The following SASH1 variants were observed in gnomAD, a reference collection of about 807,000 sequenced individuals.
The protein encoded by SASH1 is SAM and SH3 domain containing 1.
SASH1 carries 44 observed loss-of-function variants against 125.2 expected under a neutral mutation model. That is an observed-to-expected ratio of 0.35 (90% confidence interval 0.28 to 0.45). The LOEUF is 0.45. SASH1 is among the 20% of genes least tolerant of loss of function. The pLI, the probability that SASH1 is intolerant of heterozygous loss-of-function variation, is 1.00. For synonymous variants in SASH1, 639 were observed against 649.1 expected, an observed-to-expected ratio of 0.98 and a Z score of 0.24; for missense variants, 1,426 against 1,614.5, an observed-to-expected ratio of 0.88 and a Z score of 2.00.
Position 148,544,134 on chromosome 6 carries a change from C to A in SASH1, c.2664C>A (p.Val888=), listed in dbSNP as rs763114501. The A allele has an allele frequency of 6.2e-7, 1 of 1,614,040 alleles. No homozygotes were observed. ...KAQPLEQDSA[V]DNALLLTQSK... The stretch of plus-strand genomic sequence containing the variant: ...AGCCCCTGGAGCAAGACTCTGCTGT[C>A]GACAATGCATTGCTACTGACCCAAA... The change falls in exon 18 of 20, where the codon GTC becomes GTA. Residue 888 remains valine, a synonymous_variant. Transcript: ENST00000367467. This position sits in a 1 kb window ranked among gnomAD's most constrained non-coding sequence, Gnocchi z 6.4.
intron 1 of SASH1, among the ~76,000 whole-genome samples, chr6:148,281,106 CTTTTTTTTTTTTTT>C (rs34144143): frequency 1.4e-5 from 1 of 69,240 alleles, no homozygotes; most frequent in Non-Finnish European, 2.6e-5. Context: ...CCATGCCTAG[CTTTTTTTTTTTTTT>C]TTTTTTTTTG....
intron 8 of SASH1, among the ~76,000 whole-genome samples, chr6:148,507,669 T>G (rs962109038): frequency 6.6e-6 from 1 of 152,186 alleles, no homozygotes; most frequent in East Asian, 1.9e-4. Context: ...GTTTTTAGTT[T>G]AGGTAACCTC....
At chr6:148,311,608 A>G (rs6570840) in intron 1 of SASH1, among the ~76,000 whole-genome samples, 40,936 of 151,708 alleles carry the variant, frequency 0.27, 5,670 homozygotes, top group South Asian at 0.35. Flanking sequence ...GTTTGAGACC[A>G]GCCTGGTCAA....
In SASH1 at chr6:148,464,269, G is replaced by A. The variant is rs774607397; in HGVS notation, c.387-4276G>A. Among the ~76,000 whole-genome samples the A allele has an allele frequency of 5.4e-4, 82 of 152,258 alleles. 1 individual carries two copies. Among genetic ancestry groups the A allele is most frequent in the South Asian group, 4.1e-4 (2 of 4,828 alleles). On this transcript the variant is annotated intron_variant, in intron 4 of 19. Coordinates refer to ENST00000367467, the MANE Select transcript of SASH1 (RefSeq NM_015278.5). ...GGTCTTAATAGTAGGAGTTATTGAT[G>A]AACAAATATTTGCTAAGGTTCAGTT...
intron 2 of SASH1, among the ~76,000 whole-genome samples, chr6:148,410,472 A>G (rs984229264): frequency 6.6e-6 from 1 of 152,144 alleles, no homozygotes; most frequent in Non-Finnish European, 1.5e-5. Flanking sequence ...GGAAGGCAGT[A>G]CTTCACAGTG....
chr6:148,233,742 CAAAA>C, the SASH1 span, among the ~76,000 whole-genome samples: 123 of 60,530 alleles, frequency 2.0e-3, 6 homozygotes, highest in South Asian at 0.024. Context: ...TTCCTCTCTA[CAAAA>C]AAAAAAAAAA....
At chr6:148,218,581 T>G in the SASH1 span, among the ~76,000 whole-genome samples, 47 of 152,290 alleles carry the variant, frequency 3.1e-4, no homozygotes, top group East Asian at 8.1e-3. Flanking sequence ...GTCCCTGGCC[T>G]TTGTCCTCAC....
At chr6:148,327,287 CT>C (rs757257278) in intron 1 of SASH1, among the ~76,000 whole-genome samples, 352 of 140,824 alleles carry the variant, frequency 2.5e-3, no homozygotes, top group Middle Eastern at 3.8e-3. Flanking sequence ...ATATAAATTT[CT>C]TTTTTTTTTT....
intron 8 of SASH1, among the ~76,000 whole-genome samples, chr6:148,496,295 G>A (rs1454188650): frequency 2.0e-5 from 3 of 152,074 alleles, no homozygotes; most frequent in African/African-American, 7.2e-5. Context: ...ATTTAAAAGG[G>A]TTCTAATTGG....
intron 1 of SASH1, among the ~76,000 whole-genome samples, chr6:148,307,025 TTTC>T (rs1239125328): frequency 1.2e-3 from 13 of 11,078 alleles, no homozygotes; most frequent in African/African-American, 6.6e-3. Context: ...TTCTCTTTCT[TTTC>T]TTTCTTTCTT....
chr6:148,339,026 AG>A (rs1304593977), upstream of SASH1, among the ~76,000 whole-genome samples: 47 of 137,826 alleles, frequency 3.4e-4, 1 homozygote, highest in African/African-American at 1.2e-3. Flanking sequence ...AAAAAAAAAG[AG>A]AGAGAGAGAT....
chr6:148,452,182 T>G (rs9399648), intron 4 of SASH1, among the ~76,000 whole-genome samples: 49,817 of 152,092 alleles, frequency 0.33, 8,579 homozygotes, highest in East Asian at 0.52. Context: ...GCAAACTTAA[T>G]TTTCAGAAAA....
chr6:148,390,057 C>A lies in SASH1; in HGVS notation c.157-77C>A, dbSNP rs139722980. The A allele has an allele frequency of 1.5e-4, 228 of 1,531,590 alleles. 1 individual carries two copies. In the African/African-American group the frequency reaches 2.9e-3, roughly 19 times the overall value. 94.9% of individuals were successfully genotyped at this position (1,531,590 alleles called of 1,614,324 possible). ...CCAACCTTTATTACTATTAACTCTGCGTAGAGGGAGGTCCGATGGCTGTGG... is the reference window on the plus strand; with the variant it reads ...CCAACCTTTATTACTATTAACTCTGAGTAGAGGGAGGTCCGATGGCTGTGG... On this transcript the variant is annotated intron_variant, in intron 1 of 19. Transcript: ENST00000367467.
At chr6:148,459,649 T>G (rs1265374959) in intron 4 of SASH1, among the ~76,000 whole-genome samples, 2 of 152,136 alleles carry the variant, frequency 1.3e-5, no homozygotes, top group Non-Finnish European at 2.9e-5. Context: ...AATGGAAGTA[T>G]ATTTGAAGAA....
At chr6:148,413,970 A>G (rs1784727356) in intron 2 of SASH1, among the ~76,000 whole-genome samples, 1 of 152,124 alleles carries the variant, frequency 6.6e-6, no homozygotes, top group Non-Finnish European at 1.5e-5. Flanking sequence ...CCATTGAAGA[A>G]TGGTAACCGT....
At chr6:148,434,030 T>C (rs1583152769) in intron 2 of SASH1, among the ~76,000 whole-genome samples, 2 of 150,890 alleles carry the variant, frequency 1.3e-5, no homozygotes, top group African/African-American at 4.9e-5. Flanking sequence ...GACATACATA[T>C]GTAGATAATT....
At chr6:148,292,528 C>T (rs1338788205) in intron 1 of SASH1, among the ~76,000 whole-genome samples, 1 of 152,106 alleles carries the variant, frequency 6.6e-6, no homozygotes, top group African/African-American at 2.4e-5. Context: ...GGGCTCTACA[C>T]CTCAAAAAAT....
At chr6:148,307,029 TTTCTTTCTTTCTTTCTTTCTTTCTTTC>T (rs1432599363) in intron 1 of SASH1, among the ~76,000 whole-genome samples, 13 of 29,366 alleles carry the variant, frequency 4.4e-4, no homozygotes, top group Admixed American at 1.0e-3. Context: ...CTTTCTTTTC[TTTCTTTCTTTCTTTCTTTCTTTCTTTC>T]TTTCTTTCTT....
At chr6:148,546,262 A>G (rs1287656539) in intron 19 of SASH1, 116 bp downstream of exon 19, 2 of 1,215,998 alleles carry the variant, frequency 1.6e-6, no homozygotes, top group East Asian at 4.9e-5. Flanking sequence ...GAAAGGAGAC[A>G]GCTGGGGAGA....
Sources: gnomAD v4.1 joint callset for allele counts (sites outside exome capture counted in the v4.1 genomes callset) on GRCh38, gnomAD v4.1.1 for gene constraint, Gnocchi (gnomAD v3.1) non-coding constraint, MANE v1.5 for transcripts, NCBI Gene and HGNC (gene_info 2026-07-23, HGNC 2026-07-21) for gene names.